The following MEST variants were observed in gnomAD, a reference collection of about 807,000 sequenced individuals.
The protein encoded by MEST is mesoderm specific transcript, also known as mesoderm-specific transcript homolog protein.
A neutral mutation model predicts 50.9 loss-of-function variants in MEST; 18 were observed. The observed-to-expected ratio is 0.35, with a 90% confidence interval of 0.24 to 0.52. The LOEUF (loss-of-function observed/expected upper bound fraction) is 0.52. Ranked by LOEUF, MEST falls within the 20% of genes least tolerant of loss-of-function variation. The pLI is 0.94. For missense variants in MEST, 282 were observed against 425.3 expected (o/e 0.66, Z 2.96); for synonymous variants, 130 against 154.1 (o/e 0.84, Z 1.16).
rs555950697 is a variant in MEST, at chr7:130,492,464, C to A, written c.26+125C>A. On this transcript the variant is annotated intron_variant, in intron 1 of 11. Coordinates refer to ENST00000223215, the MANE Select transcript of MEST (RefSeq NM_002402.4). This position sits in a 1 kb window ranked among gnomAD's most constrained non-coding sequence, Gnocchi z 7.6. ...TCTGGGCGAAAACTCTACCGACAGG[C>A]GGCACGCATTCCGCGCCCGCTCTGC... 6.2e-5 allele frequency: 52 copies of A among 832,750 alleles called. No individual in the cohort carries two copies. The highest frequency in any genetic ancestry group is 8.4e-5 in the Non-Finnish European group (52 of 621,808). 51.6% of individuals were successfully genotyped at this position (832,750 alleles called of 1,614,324 possible). A position where few individuals can be genotyped will look rare whatever the true frequency, so the allele number is the denominator to read the frequency against.
intron 9 of MEST, 114 bp downstream of exon 9, chr7:130,501,004 C>G: frequency 1.2e-6 from 1 of 832,404 alleles, no homozygotes; most frequent in Non-Finnish European, 1.9e-6. Flanking sequence ...TGATGATGAC[C>G]TATGGGGCAA....
Position 130,500,382 on chromosome 7 carries a change from G to C in MEST, c.577-80G>C. The C allele has an allele frequency of 8.1e-7, 1 of 1,230,568 alleles. No homozygotes were observed. Among genetic ancestry groups the C allele is most frequent in the Non-Finnish European group, 1.2e-6 (1 of 867,596 alleles). 76.2% of individuals were successfully genotyped at this position (1,230,568 alleles called of 1,614,324 possible). ...AGCAGGAGATTTGGCTAAAGATTTA[G>C]TTCCTAGTATAAAACCTTTTGCCCC... On this transcript the variant is annotated intron_variant, in intron 7 of 11. Transcript: ENST00000223215. This position sits in a 1 kb window ranked among gnomAD's most constrained non-coding sequence, Gnocchi z 5.0.
chr7:130,504,327 G>T (rs920035946), intron 11 of MEST, among the ~76,000 whole-genome samples: 10 of 152,184 alleles, frequency 6.6e-5, no homozygotes, highest in African/African-American at 2.4e-4. Flanking sequence ...TAGTCTGATT[G>T]TAAAGCCAAT....
At chr7:130,496,160 C>T (rs1554436914) in intron 2 of MEST, 2 of 466,380 alleles carry the variant, frequency 4.3e-6, no homozygotes, top group Non-Finnish European at 8.9e-6. Context: ...TGTCATAAAC[C>T]GTTTTTCATT....
intron 1 of MEST, chr7:130,494,674 T>C (rs922629559): frequency 3.0e-5 from 5 of 164,250 alleles, no homozygotes; most frequent in African/African-American, 1.2e-4. Flanking sequence ...AGATTAGATA[T>C]TCAGGGTCAT....
chr7:130,488,538 T>A (rs559675060), upstream of MEST: 2 of 152,374 alleles, frequency 1.3e-5, no homozygotes, highest in Middle Eastern at 6.8e-3. Flanking sequence ...GCCAGGCACA[T>A]CTGCGTTCAG....
At chr7:130,498,380 T>C (rs2116272350) in intron 5 of MEST, 39 bp from the exon 6 acceptor site, 1 of 1,613,556 alleles carries the variant, frequency 6.2e-7, no homozygotes, top group African/African-American at 1.3e-5. Flanking sequence ...TGGTTTAAGT[T>C]TGCTCAGCTA....
chr7:130,500,707 T>A lies in MEST; in HGVS notation c.648-82T>A. ...ATGGGTCAGACTGCATGGCCCAGAC[T>A]GCATGGCCTCTGAGGTTCCAGCCAT... is the stretch of plus-strand genomic sequence containing the variant. On this transcript the variant is annotated intron_variant, in intron 8 of 11. Coordinates refer to ENST00000223215, the MANE Select transcript of MEST (RefSeq NM_002402.4). The surrounding 1 kb of genome is among the most constrained non-coding windows in gnomAD (Gnocchi z 5.0). 1 of 1,287,188 alleles carries A rather than the reference T, an allele frequency of 7.8e-7. No individual in the cohort carries two copies. 79.7% of individuals were successfully genotyped at this position (1,287,188 alleles called of 1,614,324 possible). A position where few individuals can be genotyped will look rare whatever the true frequency, so the allele number is the denominator to read the frequency against.
In MEST at chr7:130,505,354, C is replaced by T. The variant is rs1463507873; in HGVS notation, c.*298C>T. 2.0e-5 allele frequency: 4 copies of T among 197,068 alleles called. No individual in the cohort carries two copies. The highest frequency in any genetic ancestry group is 3.1e-5 in the Non-Finnish European group (3 of 97,830). The allele number at this position is 197,068 out of a possible 1,614,324, so 12.2% of individuals were successfully genotyped here. A position where few individuals can be genotyped will look rare whatever the true frequency, so the allele number is the denominator to read the frequency against. On this transcript the variant is annotated 3_prime_UTR_variant, in exon 12 of 12. Transcript: ENST00000223215. ...ATTACTATTCACTGATGCAGAAAGA[C>T]GTTCTTTTGCATAAAAGACTTTTTT...
rs1799433162 is a variant in MEST, at chr7:130,505,166, T to C, written c.*110T>C. 1.1e-5 allele frequency: 9 copies of C among 827,794 alleles called. No individual in the cohort carries two copies. The highest frequency in any genetic ancestry group is 5.9e-5 in the Admixed American group (3 of 50,602). 51.3% of individuals were successfully genotyped at this position (827,794 alleles called of 1,614,324 possible). A position where few individuals can be genotyped will look rare whatever the true frequency, so the allele number is the denominator to read the frequency against. On this transcript the variant is annotated 3_prime_UTR_variant, in exon 12 of 12. Transcript: ENST00000223215. ...GTCCTGGCCATCAAACATAATTCTCTCACAAAGTCCACTTTACTCAAATTG... is the reference window on the plus strand; with the variant it reads ...GTCCTGGCCATCAAACATAATTCTCCCACAAAGTCCACTTTACTCAAATTG...
In MEST at chr7:130,497,120, A is replaced by G. The variant is rs1327997244; in HGVS notation, c.182-36A>G. On this transcript the variant is annotated intron_variant, in intron 2 of 11. Coordinates refer to ENST00000223215, the MANE Select transcript of MEST (RefSeq NM_002402.4). The surrounding 1 kb of genome is among the most constrained non-coding windows in gnomAD (Gnocchi z 4.0). ...CATCTTCGAGGTTATTTTTATAGGGATTTGGCATAATTGATTGTACTTTCC... is the reference window on the plus strand; with the variant it reads ...CATCTTCGAGGTTATTTTTATAGGGGTTTGGCATAATTGATTGTACTTTCC... 2 of 1,552,238 alleles carry G rather than the reference A, an allele frequency of 1.3e-6. No homozygotes were observed. The highest frequency in any genetic ancestry group is 1.8e-6 in the Non-Finnish European group (2 of 1,129,844).
chr7:130,497,265 A>G lies in MEST; in HGVS notation c.261+30A>G, dbSNP rs372496102. The G allele has an allele frequency of 4.4e-6, 7 of 1,590,398 alleles. No homozygotes were observed. Among genetic ancestry groups the G allele is most frequent in the African/African-American group, 4.1e-5 (3 of 73,844 alleles). The stretch of plus-strand genomic sequence containing the variant: ...TGAAGTCAGACTTCTACGTCCTACT[A>G]TGTCTTAAAAAATCTCGGCCGGGCG... On this transcript the variant is annotated intron_variant, in intron 3 of 11. Coordinates refer to ENST00000223215, the MANE Select transcript of MEST (RefSeq NM_002402.4). The surrounding 1 kb of genome is among the most constrained non-coding windows in gnomAD (Gnocchi z 4.0).
chr7:130,501,780 C>T (rs563136504), intron 9 of MEST, among the ~76,000 whole-genome samples: 3 of 152,022 alleles, frequency 2.0e-5, no homozygotes, highest in South Asian at 2.1e-4. Context: ...CCAAGGTGGG[C>T]GAATCATATG....
chr7:130,501,253 T>C (rs540744372), intron 9 of MEST, among the ~76,000 whole-genome samples: 8 of 152,166 alleles, frequency 5.3e-5, no homozygotes, highest in Non-Finnish European at 7.4e-5. Flanking sequence ...CAAATGAGAA[T>C]GTAGACACTT....
At chr7:130,495,210 T>G (rs1584942151) in intron 1 of MEST, 158 bp from the exon 2 acceptor site, 2 of 631,694 alleles carry the variant, frequency 3.2e-6, no homozygotes, top group African/African-American at 1.8e-5. Context: ...CAGACAGAGG[T>G]TTGATTATAG....
intron 1 of MEST, chr7:130,494,610 T>TA (rs61076695): frequency 2.0e-5 from 3 of 151,822 alleles, no homozygotes; most frequent in Admixed American, 6.6e-5. Context: ...AATGGAAACT[T>TA]AAAGAGTCTG....
At position 130,500,377 on chromosome 7, in the gene MEST, A is replaced by T. The variant is rs1330170285; in HGVS notation, c.577-85A>T. ...TCAGTAGCAGGAGATTTGGCTAAAGATTTAGTTCCTAGTATAAAACCTTTT... is the reference window on the plus strand; with the variant it reads ...TCAGTAGCAGGAGATTTGGCTAAAGTTTTAGTTCCTAGTATAAAACCTTTT... On this transcript the variant is annotated intron_variant, in intron 7 of 11. Transcript: ENST00000223215. This position sits in a 1 kb window ranked among gnomAD's most constrained non-coding sequence, Gnocchi z 5.0. 5.1e-6 allele frequency: 6 copies of T among 1,185,790 alleles called. No individual in the cohort carries two copies. In the South Asian group the frequency reaches 8.6e-5, roughly 17 times the overall value. The allele number at this position is 1,185,790 out of a possible 1,614,324, so 73.5% of individuals were successfully genotyped here. A position where few individuals can be genotyped will look rare whatever the true frequency, so the allele number is the denominator to read the frequency against.
chr7:130,491,005 G>A (rs574729393), upstream of MEST: 12 of 152,394 alleles, frequency 7.9e-5, no homozygotes, highest in African/African-American at 1.9e-4. This position sits in a 1 kb window ranked among gnomAD's most constrained non-coding sequence, Gnocchi z 6.8. Flanking sequence ...CGCAGCCGAA[G>A]GGAGGCCTGC....
Position 130,497,881 on chromosome 7 carries a change from TG to T in MEST, c.262-53del. ...TGAAGCTCCTGTGCAACTGTAGGTC[TG>T]GTGAAAGGGAGGGGCAGGAGCAGAA... On this transcript the variant is annotated intron_variant, in intron 3 of 11. Coordinates refer to ENST00000223215, the MANE Select transcript of MEST (RefSeq NM_002402.4). This position sits in a 1 kb window ranked among gnomAD's most constrained non-coding sequence, Gnocchi z 4.0. The T allele has an allele frequency of 6.6e-7, 1 of 1,526,010 alleles. No individual in the cohort carries two copies. Among genetic ancestry groups the T allele is most frequent in the Non-Finnish European group, 9.1e-7 (1 of 1,099,784 alleles). The allele number at this position is 1,526,010 out of a possible 1,614,324, so 94.5% of individuals were successfully genotyped here.
Sources: allele counts gnomAD v4.1 joint callset (sites outside exome capture counted in the v4.1 genomes callset), GRCh38; gene constraint gnomAD v4.1.1; non-coding constraint Gnocchi (gnomAD v3.1); transcripts MANE v1.5; gene names NCBI Gene and HGNC (gene_info 2026-07-23, HGNC 2026-07-21).